KIF13A: variants seen among roughly 807,000 people sequenced by gnomAD.
The protein encoded by KIF13A is kinesin-like protein KIF13A.
KIF13A carries 79 observed loss-of-function variants against 212.2 expected under a neutral mutation model. The observed-to-expected ratio is 0.37, with a 90% CI of 0.31 to 0.45. The LOEUF (loss-of-function observed/expected upper bound fraction) is 0.45. Ranked by LOEUF, KIF13A falls within the 20% of genes least tolerant of loss-of-function variation. The pLI is 1.00. For synonymous variants in KIF13A, 789 were observed against 808.6 expected (o/e 0.98, Z 0.41); for missense variants, 1,901 against 2,209.0 (o/e 0.86, Z 2.79).
intron 19 of KIF13A, 34 bp downstream of exon 19, chr6:17,805,441 T>C (rs775131870): frequency 1.3e-6 from 2 of 1,588,414 alleles, no homozygotes; most frequent in Non-Finnish European, 1.7e-6. Context: ...GTTTTTAACA[T>C]AACAAAATCT....
intron 2 of KIF13A, among the ~76,000 whole-genome samples, chr6:17,910,358 C>T (rs1773932098): frequency 6.6e-6 from 1 of 152,214 alleles, no homozygotes; most frequent in African/African-American, 2.4e-5. Context: ...GAAGCAAACA[C>T]ATGGTCTATA....
intron 2 of KIF13A, among the ~76,000 whole-genome samples, chr6:17,924,786 T>C (rs1180748729): frequency 6.6e-6 from 1 of 152,196 alleles, no homozygotes; most frequent in African/African-American, 2.4e-5. Context: ...CAGATGTAGA[T>C]GGAAACATAC....
At chr6:17,835,193 G>T (rs1488859596) in intron 11 of KIF13A, among the ~76,000 whole-genome samples, 2 of 59,154 alleles carry the variant, frequency 3.4e-5, no homozygotes, top group East Asian at 6.2e-4. Flanking sequence ...ACCCGCCCCC[G>T]CCAAAAAAAA....
Position 17,771,706 on chromosome 6 carries a change from A to G in KIF13A, c.4476+202T>C. 2.0e-6 allele frequency: 1 copy of G among 499,442 alleles called. No homozygotes were observed. The highest frequency in any genetic ancestry group is 5.0e-5 in the South Asian group (1 of 19,994). The allele number at this position is 499,442 out of a possible 1,614,324, so 30.9% of individuals were successfully genotyped here. A position where few individuals can be genotyped will look rare whatever the true frequency, so the allele number is the denominator to read the frequency against. ...CTTTGAAAAGCCATAAACACAAAGA[A>G]ATAAAACCACAGCAGCAACAACAAA... On this transcript the variant is annotated intron_variant, in intron 37 of 38. Transcript: ENST00000259711. This position sits in a 1 kb window ranked among gnomAD's most constrained non-coding sequence, Gnocchi z 5.4.
intron 2 of KIF13A, among the ~76,000 whole-genome samples, chr6:17,909,132 T>G (rs1006012589): frequency 1.3e-5 from 2 of 152,200 alleles, no homozygotes; most frequent in Admixed American, 6.5e-5. Context: ...CCTCCTCAAT[T>G]ATACACGCAA....
intron 2 of KIF13A, among the ~76,000 whole-genome samples, chr6:17,976,577 C>T (rs969440030): frequency 2.0e-5 from 3 of 152,184 alleles, no homozygotes; most frequent in Non-Finnish European, 2.9e-5. Context: ...TCCCTCCACA[C>T]CTCCCTGCAA....
chr6:17,852,009 T>G lies in KIF13A; in HGVS notation c.528A>C (p.Lys176Asn), dbSNP rs1767699312. The change falls in exon 7 of 39, where the codon AAA becomes AAC. Residue 176 changes from lysine (K) to asparagine (N), a missense_variant. This residue lies in a region of KIF13A where 506 missense variants were observed against 637.4 expected (regional missense o/e 0.79). Coordinates refer to ENST00000259711, the MANE Select transcript of KIF13A (RefSeq NM_022113.6). ...AACCATCTACATATGGTCCCAAAAC[T>G]TTATGTTCTCGAACTTTAAGAGACT... is the stretch of plus-strand genomic sequence containing the variant. ...SRQSLKVREH[K>N]VLGPYVDGLS... 6.4e-7 allele frequency: 1 copy of G among 1,553,084 alleles called. No individual in the cohort carries two copies. Among genetic ancestry groups the G allele is most frequent in the Admixed American group, 2.0e-5 (1 of 49,540 alleles).
In KIF13A at chr6:17,951,436, TTAA is replaced by T; in HGVS notation, c.146+35615_146+35617del. ...GTGAGCCACTGTGACCAGCCTCAAT[TTAA>T]AAAAAAAAAAAAAACAGCTTTAAGA... On this transcript the variant is annotated intron_variant, in intron 2 of 38. Transcript: ENST00000259711. This position sits in a 1 kb window ranked among gnomAD's most constrained non-coding sequence, Gnocchi z 4.9. 1.9e-6 allele frequency: 1 copy of T among 537,804 alleles called. No individual in the cohort carries two copies. The allele number at this position is 537,804 out of a possible 1,614,324, so 33.3% of individuals were successfully genotyped here. A position where few individuals can be genotyped will look rare whatever the true frequency, so the allele number is the denominator to read the frequency against.
chr6:17,778,411 T>C lies in KIF13A; in HGVS notation c.4092+536A>G, dbSNP rs531104275. ...ACACCTCCCCCAATAATGTCAACTATTGCTCCTATGAAATGACATATCTTA... is the reference window on the plus strand; with the variant it reads ...ACACCTCCCCCAATAATGTCAACTACTGCTCCTATGAAATGACATATCTTA... On this transcript the variant is annotated intron_variant, in intron 33 of 38. Coordinates refer to ENST00000259711, the MANE Select transcript of KIF13A (RefSeq NM_022113.6). 1.6e-3 allele frequency among the ~76,000 whole-genome samples: 250 copies of C among 152,352 alleles called. 1 individual carries two copies. The highest frequency in any genetic ancestry group is 5.8e-3 in the African/African-American group (240 of 41,594).
rs772417853 is a variant in KIF13A at position 17,871,931 on chromosome 6, A to G, written c.220+1446T>C. On this transcript the variant is annotated intron_variant, in intron 4 of 38. Transcript: ENST00000259711. This position sits in a 1 kb window ranked among gnomAD's most constrained non-coding sequence, Gnocchi z 4.4. ...TTACTTTTGTTGTTGATTTAAATCT[A>G]AAAGTACACACCCGGCACAAAAATA... is the stretch of plus-strand genomic sequence containing the variant. Among the ~76,000 whole-genome samples the G allele has an allele frequency of 1.4e-4, 21 of 152,234 alleles. No homozygotes were observed. The highest frequency in any genetic ancestry group is 2.2e-4 in the Non-Finnish European group (15 of 68,036).
rs201725840 is a variant in KIF13A at position 17,828,275 on chromosome 6, A to G, written c.1497T>C (p.Asp499=). 5.2e-4 allele frequency: 835 copies of G among 1,610,298 alleles called. No individual in the cohort carries two copies. Among genetic ancestry groups the G allele is most frequent in the Non-Finnish European group, 6.3e-4 (742 of 1,178,108 alleles). The change falls in exon 14 of 39, where the codon GAT becomes GAC. Residue 499 remains aspartate (D), a synonymous_variant. Transcript: ENST00000259711. This position sits in a 1 kb window ranked among gnomAD's most constrained non-coding sequence, Gnocchi z 4.3. ...PQHCEIDIAS[D]GDVTLTPKEN... is the part of the protein sequence containing the mutation. ...CTTTTGGAGTGAGAGTGACGTCTCC[A>G]TCAGATGCAATGTCAATCTCACAGT...
In KIF13A at chr6:17,785,625, A is replaced by C; in HGVS notation, c.3378T>G (p.Asp1126Glu). 5 of 1,605,612 alleles carry C rather than the reference A, an allele frequency of 3.1e-6. No individual in the cohort carries two copies. Among genetic ancestry groups the C allele is most frequent in the Non-Finnish European group, 4.3e-6 (5 of 1,176,292 alleles). The change falls in exon 28 of 39, where the codon GAT (aspartate) becomes GAG (glutamate). Residue 1126 changes from aspartate (D) to glutamate (E), a missense_variant. Physicochemically the swap from Asp to Glu is conservative, Grantham distance 45. Around this residue, in one of 5 missense-constraint regions of KIF13A, gnomAD observed 168 missense variants for 250.9 expected, o/e 0.67. Coordinates refer to ENST00000259711, the MANE Select transcript of KIF13A (RefSeq NM_022113.6). The surrounding 1 kb of genome is among the most constrained non-coding windows in gnomAD (Gnocchi z 5.8). ...VSNKTEKTED[D>E]VEREAQLVEQ... ...CCACAAGCTGGGCTTCCCGCTCCAC[A>C]TCGTCCTCTGTTTTCTCTGCAGAAA...
intron 3 of KIF13A, among the ~76,000 whole-genome samples, chr6:17,879,094 TG>T (rs1233058431): frequency 6.6e-6 from 1 of 152,196 alleles, no homozygotes; most frequent in African/African-American, 2.4e-5. Flanking sequence ...GAAAAATTTT[TG>T]TTGTATTCTT....
chr6:17,880,684 G>A (rs1770987100), intron 3 of KIF13A, among the ~76,000 whole-genome samples: 1 of 149,744 alleles, frequency 6.7e-6, no homozygotes, highest in South Asian at 2.1e-4. Context: ...AGAGACTGCA[G>A]TGGGGCTTGA....
In KIF13A at chr6:17,837,388, G is replaced by T; in HGVS notation, c.942+84C>A. ...CATCAGGAGAGTTCTTTAGGTATTTGGTTAGCTTTGTACACACCTTTACTC... is the reference window on the plus strand; with the variant it reads ...CATCAGGAGAGTTCTTTAGGTATTTTGTTAGCTTTGTACACACCTTTACTC... On this transcript the variant is annotated intron_variant, in intron 10 of 38. Transcript: ENST00000259711. This position sits in a 1 kb window ranked among gnomAD's most constrained non-coding sequence, Gnocchi z 5.4. The T allele has an allele frequency of 2.3e-6, 2 of 876,696 alleles. No individual in the cohort carries two copies. The highest frequency in any genetic ancestry group is 3.6e-6 in the Non-Finnish European group (2 of 552,020). The allele number at this position is 876,696 out of a possible 1,614,324, so 54.3% of individuals were successfully genotyped here. A position where few individuals can be genotyped will look rare whatever the true frequency, so the allele number is the denominator to read the frequency against.
intron 2 of KIF13A, among the ~76,000 whole-genome samples, chr6:17,911,827 C>A (rs1057183956): frequency 1.3e-5 from 2 of 149,664 alleles, no homozygotes; most frequent in African/African-American, 2.5e-5. Context: ...TACAGTAATG[C>A]GATCTTGACT....
At position 17,911,562 on chromosome 6, in the gene KIF13A, T is replaced by C. The variant is rs185550287; in HGVS notation, c.147-13382A>G. The stretch of plus-strand genomic sequence containing the variant: ...AAAATACAAGCTTTCTTTACAAACA[T>C]CACATGTTCTCACTTATTTGTGGGA... On this transcript the variant is annotated intron_variant, in intron 2 of 38. Transcript: ENST00000259711. 2.8e-3 allele frequency among the ~76,000 whole-genome samples: 429 copies of C among 152,238 alleles called. 1 individual carries two copies. The Middle Eastern group carries it at 0.034, about 12-fold the overall frequency.
chr6:17,930,770 C>T (rs1775918046), intron 2 of KIF13A, among the ~76,000 whole-genome samples: 1 of 152,162 alleles, frequency 6.6e-6, no homozygotes, highest in Non-Finnish European at 1.5e-5. Context: ...TTTTAACACG[C>T]TTCTAACAGG....
chr6:17,797,996 G>A (rs183275756), intron 22 of KIF13A, among the ~76,000 whole-genome samples: 221 of 152,294 alleles, frequency 1.5e-3, no homozygotes, highest in Middle Eastern at 0.014. Flanking sequence ...AGTAGGCAAC[G>A]AGCCAAGCTA....
Sources: allele counts gnomAD v4.1 joint callset (sites outside exome capture counted in the v4.1 genomes callset), GRCh38; gene constraint gnomAD v4.1.1; regional missense constraint gnomAD v4.1.1; non-coding constraint Gnocchi (gnomAD v3.1); transcripts MANE v1.5; gene names NCBI Gene and HGNC (gene_info 2026-07-23, HGNC 2026-07-21).